Variants in DPP10 observed in about 807,000 individuals in gnomAD.
The protein encoded by DPP10 is inactive dipeptidyl peptidase 10.
In DPP10, 33 loss-of-function variants were observed where a neutral mutation model predicts 120.9. The observed-to-expected ratio is 0.27, with a 90% CI of 0.21 to 0.37. The LOEUF (loss-of-function observed/expected upper bound fraction) is 0.37. DPP10 is among the 10% of genes least tolerant of loss of function. The pLI is 1.00. For synonymous variants in DPP10, 337 were observed against 326.1 expected, an observed-to-expected ratio of 1.03 and a Z score of -0.36; for missense variants, 816 against 942.8, an observed-to-expected ratio of 0.87 and a Z score of 1.76.
At chr2:114,494,325 A>G (rs1362367144) in intron 1 of DPP10, among the ~76,000 whole-genome samples, 1 of 152,194 alleles carries the variant, frequency 6.6e-6, no homozygotes, top group Non-Finnish European at 1.5e-5. Flanking sequence ...TAATATCTAT[A>G]AAGCTGCTTA....
intron 1 of DPP10, among the ~76,000 whole-genome samples, chr2:114,486,096 A>C (rs1470460464): frequency 6.6e-6 from 1 of 152,172 alleles, no homozygotes; most frequent in Admixed American, 6.6e-5. Context: ...CCTTAATATT[A>C]ATACATTGAT....
At chr2:115,339,758 A>G (rs907037589) in intron 2 of DPP10, among the ~76,000 whole-genome samples, 2 of 152,148 alleles carry the variant, frequency 1.3e-5, no homozygotes, top group Non-Finnish European at 2.9e-5. Context: ...TAAAATTACA[A>G]AATTTTAAAA....
At chr2:115,728,973 T>A in intron 8 of DPP10, among the ~76,000 whole-genome samples, 1 of 152,360 alleles carries the variant, frequency 6.6e-6, no homozygotes, top group Non-Finnish European at 1.5e-5. Flanking sequence ...CATGTATATT[T>A]ATATCTATAA....
intron 1 of DPP10, among the ~76,000 whole-genome samples, chr2:115,225,916 C>T (rs1259743949): frequency 6.6e-6 from 1 of 151,982 alleles, no homozygotes; most frequent in African/African-American, 2.4e-5. Context: ...CTTTTCTCCT[C>T]TCATTTTGCA....
intron 1 of DPP10, among the ~76,000 whole-genome samples, chr2:114,445,876 G>A (rs916279152): frequency 2.0e-5 from 3 of 152,044 alleles, no homozygotes; most frequent in Admixed American, 2.0e-4. Flanking sequence ...TCAAATAGGG[G>A]TGCCAAGTGT....
chr2:114,482,107 C>T (rs1011418912), intron 1 of DPP10, among the ~76,000 whole-genome samples: 1 of 152,086 alleles, frequency 6.6e-6, no homozygotes, highest in African/African-American at 2.4e-5. Context: ...CCACCAGGTC[C>T]CTTCCTCAAT....
At chr2:115,085,629 G>A (rs1708629729) in intron 1 of DPP10, among the ~76,000 whole-genome samples, 2 of 152,164 alleles carry the variant, frequency 1.3e-5, no homozygotes, top group Admixed American at 6.5e-5. Flanking sequence ...ACTAGAACAT[G>A]TTAGGAAATC....
intron 1 of DPP10, among the ~76,000 whole-genome samples, chr2:115,002,884 G>A (rs910240332): frequency 2.6e-5 from 4 of 152,030 alleles, no homozygotes; most frequent in African/African-American, 9.7e-5. Context: ...ATATTACAGA[G>A]GAAAGGGAAT....
chr2:115,181,560 C>A (rs1287576559), intron 1 of DPP10, among the ~76,000 whole-genome samples: 2 of 152,086 alleles, frequency 1.3e-5, no homozygotes, highest in Non-Finnish European at 2.9e-5. Flanking sequence ...GCATCTCTTA[C>A]CAGGAAGTTG....
At chr2:114,776,562 C>T (rs1681762172) in intron 1 of DPP10, among the ~76,000 whole-genome samples, 1 of 151,992 alleles carries the variant, frequency 6.6e-6, no homozygotes, top group South Asian at 2.1e-4. Context: ...ATGAATTTGG[C>T]TTTTATAGGC....
Position 114,994,994 on chromosome 2 carries a change from C to T in DPP10, c.61-314245C>T, listed in dbSNP as rs186022269. 2.3e-3 allele frequency among the ~76,000 whole-genome samples: 352 copies of T among 152,330 alleles called. 2 individuals carry two copies. Among genetic ancestry groups the T allele is most frequent in the Middle Eastern group, 3.4e-3 (1 of 294 alleles). The stretch of plus-strand genomic sequence containing the variant: ...ATTCTACAATGTTCCTTCACGGTGT[C>T]TGGCCGTTTTGACGCTGAGCTTGAC... On this transcript the variant is annotated intron_variant, in intron 1 of 25. Coordinates refer to ENST00000410059, the MANE Select transcript of DPP10 (RefSeq NM_020868.6).
At chr2:114,804,344 C>T (rs192224965) in intron 1 of DPP10, among the ~76,000 whole-genome samples, 1 of 152,264 alleles carries the variant, frequency 6.6e-6, no homozygotes, top group African/African-American at 2.4e-5. Flanking sequence ...GGAGACCCCA[C>T]ACAGAGTCCC....
At chr2:115,624,589 G>A (rs138502982) in intron 5 of DPP10, among the ~76,000 whole-genome samples, 10 of 152,094 alleles carry the variant, frequency 6.6e-5, no homozygotes, top group East Asian at 1.9e-4. Context: ...CATACTTTGC[G>A]TGAATAACTG....
intron 5 of DPP10, among the ~76,000 whole-genome samples, chr2:115,603,568 T>TG (rs1553459820): frequency 1.3e-5 from 1 of 74,798 alleles, no homozygotes; most frequent in African/African-American, 1.2e-4. Flanking sequence ...TTGTTTTTTT[T>TG]TGTTTTTTTT....
intron 1 of DPP10, among the ~76,000 whole-genome samples, chr2:115,012,082 C>T (rs1000232654): frequency 6.6e-6 from 1 of 152,044 alleles, no homozygotes; most frequent in Admixed American, 6.6e-5. Context: ...GAATATAACT[C>T]CATTGGACTG....
chr2:115,715,483 A>C (rs62155331), intron 7 of DPP10, among the ~76,000 whole-genome samples: 12,922 of 152,014 alleles, frequency 0.085, 684 homozygotes, highest in Non-Finnish European at 0.11. Flanking sequence ...GTTTCATGAC[A>C]TTCCCTCAGA....
chr2:114,866,454 G>A lies in DPP10; in HGVS notation c.60+423616G>A, dbSNP rs551848042. ...AGGATTATATAACTTACAATAGTTA[G>A]GTTGCCTGTTGAAAGTTTAGATTGT... On this transcript the variant is annotated intron_variant, in intron 1 of 25. Coordinates refer to ENST00000410059, the MANE Select transcript of DPP10 (RefSeq NM_020868.6). Among the ~76,000 whole-genome samples, 54 of 152,208 alleles carry A rather than the reference G, an allele frequency of 3.5e-4. 1 individual carries two copies. The South Asian group carries it at 0.011, about 31-fold the overall frequency.
intron 1 of DPP10, among the ~76,000 whole-genome samples, chr2:114,917,138 A>C (rs1447312670): frequency 6.6e-6 from 1 of 152,220 alleles, no homozygotes; most frequent in Non-Finnish European, 1.5e-5. Context: ...ATACAAAATC[A>C]ATACATGCAA....
intron 2 of DPP10, among the ~76,000 whole-genome samples, chr2:115,310,148 G>A (rs2061521411): frequency 6.6e-6 from 1 of 152,082 alleles, no homozygotes; most frequent in Admixed American, 6.6e-5. Flanking sequence ...ACCCACATAT[G>A]ACACAGTGTT....
Sources: gnomAD v4.1 joint callset for allele counts (sites outside exome capture counted in the v4.1 genomes callset) on GRCh38, gnomAD v4.1.1 for gene constraint, MANE v1.5 for transcripts, NCBI Gene and HGNC (gene_info 2026-07-23, HGNC 2026-07-21) for gene names.